Variants in CLDN14 observed in about 807,000 individuals in gnomAD.
The protein encoded by CLDN14 is claudin 14, also known as claudin-14.
CLDN14 carries 2 observed loss-of-function variants against 2.1 expected under a neutral mutation model. The observed-to-expected ratio is 0.96, with a 90% confidence interval of 0.39 to 3.01. The LOEUF (loss-of-function observed/expected upper bound fraction) is 3.01. Among genes scored for constraint, CLDN14 ranks in the 30% most tolerant of loss-of-function variants. The pLI is 0.09. For missense variants in CLDN14, 298 were observed against 328.0 expected (o/e 0.91, Z 0.71); for synonymous variants, 136 against 154.4 (o/e 0.88, Z 0.88).
At chr21:36,474,289 T>C (rs2086747004) in intron 1 of CLDN14, among the ~76,000 whole-genome samples, 1 of 152,214 alleles carries the variant, frequency 6.6e-6, no homozygotes, top group Admixed American at 6.5e-5. Context: ...GCCTGTGCCT[T>C]AATCAGCAAT....
intron 1 of CLDN14, among the ~76,000 whole-genome samples, chr21:36,523,081 G>T (rs2087284298): frequency 6.6e-6 from 1 of 152,178 alleles, no homozygotes; most frequent in South Asian, 2.1e-4. Context: ...CACTGTCCTG[G>T]CTGGACCCTT....
At chr21:36,528,720 G>C (rs956202704) in intron 1 of CLDN14, among the ~76,000 whole-genome samples, 1 of 152,210 alleles carries the variant, frequency 6.6e-6, no homozygotes, top group African/African-American at 2.4e-5. Flanking sequence ...CTGGCTGCTC[G>C]CAAGTTGCTT....
chr21:36,481,198 C>T (rs930179985), upstream of CLDN14: 4 of 152,156 alleles, frequency 2.6e-5, no homozygotes, highest in South Asian at 2.1e-4. Context: ...CGTAAAACCA[C>T]GCAGAATTTT....
At chr21:36,494,578 G>A (rs144781616) in intron 2 of CLDN14, among the ~76,000 whole-genome samples, 7 of 152,316 alleles carry the variant, frequency 4.6e-5, no homozygotes, top group African/African-American at 1.2e-4. Flanking sequence ...GAGATGGAGT[G>A]TACAAAGAGG....
At chr21:36,516,416 T>C (rs1192598739) in intron 1 of CLDN14, among the ~76,000 whole-genome samples, 1 of 152,214 alleles carries the variant, frequency 6.6e-6, no homozygotes, top group African/African-American at 2.4e-5. Context: ...ATATTGTCCA[T>C]GGTTCTGCTT....
intron 2 of CLDN14, among the ~76,000 whole-genome samples, chr21:36,489,131 A>AAAATATATATAT: frequency 1.6e-5 from 1 of 62,750 alleles, no homozygotes; most frequent in Non-Finnish European, 3.0e-5. Flanking sequence ...AAAAAAAAAA[A>AAAATATATATAT]ATATATATAT....
intron 1 of CLDN14, among the ~76,000 whole-genome samples, chr21:36,462,867 G>A (rs1487383980): frequency 1.5e-5 from 2 of 134,550 alleles, no homozygotes; most frequent in East Asian, 2.1e-4. Context: ...GCAGTGAGCC[G>A]AGATCGCGCC....
chr21:36,486,354 G>T, intron 2 of CLDN14: 1 of 871,614 alleles, frequency 1.1e-6, no homozygotes, highest in Non-Finnish European at 1.9e-6. Flanking sequence ...AGTCCCAGTT[G>T]TAGCAATCCT....
At chr21:36,535,715 A>T (rs1346109562) in intron 1 of CLDN14, among the ~76,000 whole-genome samples, 1 of 152,170 alleles carries the variant, frequency 6.6e-6, no homozygotes, top group Non-Finnish European at 1.5e-5. Flanking sequence ...TGGTTTCAGG[A>T]GTGGTGAGAT....
intron 1 of CLDN14, among the ~76,000 whole-genome samples, chr21:36,476,736 C>T (rs916888344): frequency 1.3e-5 from 2 of 152,256 alleles, no homozygotes; most frequent in African/African-American, 2.4e-5. Flanking sequence ...TAGGCGTGAG[C>T]CACTGCCCTC....
chr21:36,528,172 TTAAAGA>T (rs1468730633), intron 1 of CLDN14, among the ~76,000 whole-genome samples: 7 of 152,222 alleles, frequency 4.6e-5, no homozygotes, highest in East Asian at 1.9e-4. Context: ...TGAATTACTG[TTAAAGA>T]TAAGTAAGTA....
intron 2 of CLDN14, among the ~76,000 whole-genome samples, chr21:36,488,963 A>C (rs370841653): frequency 1.3e-4 from 20 of 151,502 alleles, no homozygotes; most frequent in African/African-American, 4.8e-4. Flanking sequence ...TACAAAAATT[A>C]GCTGGGTGTG....
chr21:36,480,643 A>T (rs1162550683), upstream of CLDN14: 1 of 152,182 alleles, frequency 6.6e-6, no homozygotes, highest in East Asian at 1.9e-4. Flanking sequence ...TCAAGGCACA[A>T]ATCCCAGTTC....
chr21:36,462,960 A>G (rs1484543985), intron 1 of CLDN14, among the ~76,000 whole-genome samples: 21 of 151,666 alleles, frequency 1.4e-4, no homozygotes, highest in African/African-American at 5.1e-4. Context: ...AACACTAGGA[A>G]ATATAGAAGG....
At chr21:36,532,050 C>T (rs1008706671) in intron 1 of CLDN14, 21 of 152,152 alleles carry the variant, frequency 1.4e-4, no homozygotes, top group African/African-American at 4.6e-4. Flanking sequence ...TGAAAAACTA[C>T]GTTAAGATGC....
At position 36,498,216 on chromosome 21, in the gene CLDN14, G is replaced by T. The variant is rs1320873134; in HGVS notation, c.-82+12147C>A. 6.6e-6 allele frequency among the ~76,000 whole-genome samples: 1 copy of T among 152,142 alleles called. No individual in the cohort carries two copies. The highest frequency in any genetic ancestry group is 1.5e-5 in the Non-Finnish European group (1 of 68,030). On this transcript the variant is annotated intron_variant, in intron 2 of 2. Transcript: ENST00000342108. This position sits in a 1 kb window ranked among gnomAD's most constrained non-coding sequence, Gnocchi z 4.9. ...GGGTTTTGCCATATTGGCCAGGCTG[G>T]TGTCGAACTCCTGACCTCAGGCGGT...
intron 1 of CLDN14, among the ~76,000 whole-genome samples, chr21:36,557,349 C>T (rs2087606029): frequency 6.6e-6 from 1 of 152,080 alleles, no homozygotes; most frequent in African/African-American, 2.4e-5. Context: ...TCTATTTTAA[C>T]TTTTTTGAGG....
intron 1 of CLDN14, among the ~76,000 whole-genome samples, chr21:36,547,379 C>G (rs759822783): frequency 2.0e-5 from 3 of 151,978 alleles, no homozygotes; most frequent in African/African-American, 2.4e-5. Flanking sequence ...ACATGGAGTA[C>G]GTGGATGTTT....
intron 1 of CLDN14, among the ~76,000 whole-genome samples, chr21:36,543,023 G>A (rs2087502280): frequency 6.6e-6 from 1 of 152,210 alleles, no homozygotes; most frequent in African/African-American, 2.4e-5. Flanking sequence ...GGCGGGGGCA[G>A]GGGGGAGCAC....
Sources: gnomAD v4.1 joint callset for allele counts (sites outside exome capture counted in the v4.1 genomes callset) on GRCh38, gnomAD v4.1.1 for gene constraint, Gnocchi (gnomAD v3.1) non-coding constraint, MANE v1.5 for transcripts, NCBI Gene and HGNC (gene_info 2026-07-23, HGNC 2026-07-21) for gene names.